Variants in ST6GAL2 observed in about 807,000 individuals in gnomAD.
ST6GAL2 encodes the protein ST6 beta-galactoside alpha-2,6-sialyltransferase 2.
ST6GAL2 carries 24 observed loss-of-function variants against 37.5 expected under a neutral mutation model. The observed-to-expected ratio is 0.64, with a 90% confidence interval of 0.46 to 0.90. ST6GAL2 has a LOEUF of 0.90. ST6GAL2 is among the 40% of genes least tolerant of loss of function. The pLI, the probability that ST6GAL2 is intolerant of heterozygous loss-of-function variation, is 0.00. For missense variants in ST6GAL2, 715 were observed against 712.7 expected, an observed-to-expected ratio of 1.00 and a Z score of -0.04; for synonymous variants, 306 against 295.1, an observed-to-expected ratio of 1.04 and a Z score of -0.38.
At chr2:106,876,154 GT>G (rs5833215) in intron 1 of ST6GAL2, among the ~76,000 whole-genome samples, 132,555 of 152,060 alleles carry the variant, frequency 0.87, 57,950 homozygotes, top group East Asian at 0.98. Context: ...TTTAAAGTGT[GT>G]TTTTTTTCAT....
At chr2:106,854,209 T>A (rs1390795891) in intron 1 of ST6GAL2, among the ~76,000 whole-genome samples, 1 of 152,194 alleles carries the variant, frequency 6.6e-6, no homozygotes, top group African/African-American at 2.4e-5. Flanking sequence ...GTGAGATAGA[T>A]AATGCCACCT....
intron 2 of ST6GAL2, among the ~76,000 whole-genome samples, chr2:106,837,201 G>T (rs1676682981): frequency 6.6e-6 from 1 of 152,114 alleles, no homozygotes; most frequent in Non-Finnish European, 1.5e-5. Context: ...TGAAAAAAGT[G>T]GCTAGTTCGG....
intron 5 of ST6GAL2, among the ~76,000 whole-genome samples, chr2:106,825,636 A>G (rs1676172220): frequency 6.6e-6 from 1 of 152,258 alleles, no homozygotes; most frequent in African/African-American, 2.4e-5. Flanking sequence ...TATTATTTGT[A>G]TCTGCTATGT....
chr2:106,846,358 T>C (rs1677145502), intron 1 of ST6GAL2, among the ~76,000 whole-genome samples: 1 of 152,318 alleles, frequency 6.6e-6, no homozygotes, highest in Admixed American at 6.5e-5. Flanking sequence ...CATGTGCAGG[T>C]TTGTTACAGG....
At chr2:106,867,771 T>G (rs1237171869) in intron 1 of ST6GAL2, among the ~76,000 whole-genome samples, 1 of 152,140 alleles carries the variant, frequency 6.6e-6, no homozygotes, top group Non-Finnish European at 1.5e-5. Context: ...GAGGGTTTGT[T>G]CCACTGAACA....
chr2:106,832,720 G>A, intron 3 of ST6GAL2, 54 bp from the exon 4 acceptor site: 1 of 1,190,428 alleles, frequency 8.4e-7, no homozygotes, highest in Non-Finnish European at 1.3e-6. Flanking sequence ...TTTAAAAATT[G>A]CATTTTAAAA....
At chr2:106,858,610 C>A (rs1677675367) in intron 1 of ST6GAL2, among the ~76,000 whole-genome samples, 1 of 152,154 alleles carries the variant, frequency 6.6e-6, no homozygotes, top group Admixed American at 6.5e-5. Context: ...TATCTCTGGG[C>A]TGATGGAAAA....
At chr2:106,850,472 A>C (rs971091478) in intron 1 of ST6GAL2, among the ~76,000 whole-genome samples, 3 of 152,182 alleles carry the variant, frequency 2.0e-5, no homozygotes, top group Admixed American at 1.3e-4. Context: ...GCACTGCCTC[A>C]ATTTGTGATT....
rs1675287727 is a variant in ST6GAL2, at chr2:106,802,440, A to G, written c.*4238T>C. The stretch of plus-strand genomic sequence containing the variant: ...GCTCAAGTTTGAACAGAAACATATT[A>G]CATTACTTTTTTTTTAACCAAAAGG... On this transcript the variant is annotated 3_prime_UTR_variant, in exon 6 of 6. Transcript: ENST00000409382. 6.9e-6 allele frequency: 1 copy of G among 145,568 alleles called. No homozygotes were observed. Among genetic ancestry groups the G allele is most frequent in the Admixed American group, 7.3e-5 (1 of 13,716 alleles). 9.0% of individuals were successfully genotyped at this position (145,568 alleles called of 1,614,324 possible).
intron 5 of ST6GAL2, among the ~76,000 whole-genome samples, chr2:106,809,940 G>T (rs1449009168): frequency 1.3e-5 from 2 of 152,140 alleles, no homozygotes; most frequent in Non-Finnish European, 2.9e-5. Flanking sequence ...CATGCTTTAA[G>T]GACCAGGTTG....
chr2:106,810,918 T>A (rs964465381), intron 5 of ST6GAL2, among the ~76,000 whole-genome samples: 3 of 152,060 alleles, frequency 2.0e-5, no homozygotes, highest in East Asian at 1.9e-4. Context: ...GCCACTGCAC[T>A]CTCATGCTCA....
intron 2 of ST6GAL2, among the ~76,000 whole-genome samples, chr2:106,840,393 C>T (rs982333516): frequency 3.9e-5 from 6 of 152,140 alleles, no homozygotes; most frequent in Non-Finnish European, 7.3e-5. Context: ...CAGGAAGGAG[C>T]GAGGTCGGCA....
intron 2 of ST6GAL2, 143 bp downstream of exon 2, chr2:106,842,892 A>C (rs1045903939): frequency 5.2e-5 from 27 of 519,814 alleles, no homozygotes; most frequent in Non-Finnish European, 8.2e-5. Context: ...GCACCTGAAG[A>C]ATCTCCAGCT....
intron 5 of ST6GAL2, among the ~76,000 whole-genome samples, chr2:106,814,001 G>C (rs939771678): frequency 1.3e-5 from 2 of 152,182 alleles, no homozygotes; most frequent in African/African-American, 4.8e-5. Flanking sequence ...TTCTTAAAGA[G>C]ATAAAAGTGA....
intron 1 of ST6GAL2, among the ~76,000 whole-genome samples, chr2:106,865,861 T>C (rs559915422): frequency 2.0e-5 from 3 of 152,342 alleles, no homozygotes; most frequent in African/African-American, 7.2e-5. Flanking sequence ...ATTTGCTTAT[T>C]CATTTGTACA....
At chr2:106,870,190 A>T (rs964099185) in intron 1 of ST6GAL2, among the ~76,000 whole-genome samples, 5 of 152,146 alleles carry the variant, frequency 3.3e-5, no homozygotes, top group Non-Finnish European at 7.4e-5. Context: ...TTGGCCAGAG[A>T]GAGTCCTGGA....
intron 1 of ST6GAL2, among the ~76,000 whole-genome samples, chr2:106,853,280 T>C (rs2104555996): frequency 6.6e-6 from 1 of 152,312 alleles, no homozygotes; most frequent in African/African-American, 2.4e-5. Context: ...CAGAGATAGC[T>C]TAGTTTTTGG....
intron 5 of ST6GAL2, chr2:106,823,094 C>A (rs1270316852): frequency 6.6e-6 from 1 of 152,040 alleles, no homozygotes; most frequent in Non-Finnish European, 1.5e-5. Context: ...TCAATGTGTT[C>A]TTCAAATTTT....
chr2:106,818,780 G>A (rs1197638830), intron 5 of ST6GAL2, among the ~76,000 whole-genome samples: 1 of 151,994 alleles, frequency 6.6e-6, no homozygotes, highest in Non-Finnish European at 1.5e-5. Flanking sequence ...ACAGAGATAT[G>A]TGACCTTTGA....
Sources: gnomAD v4.1 joint callset for allele counts (sites outside exome capture counted in the v4.1 genomes callset) on GRCh38, gnomAD v4.1.1 for gene constraint, MANE v1.5 for transcripts, NCBI Gene and HGNC (gene_info 2026-07-23, HGNC 2026-07-21) for gene names.